Variants in SOX5 observed in about 807,000 individuals in gnomAD.
SOX5 encodes the protein SRY-box transcription factor 5.
SOX5 carries 9 observed loss-of-function variants against 92.0 expected under a neutral mutation model. The ratio of observed to expected loss-of-function variants is 0.10; its 90% CI spans 0.06 to 0.17. SOX5 has a LOEUF of 0.17. Ranked by LOEUF, SOX5 falls within the 10% of genes least tolerant of loss-of-function variation. SOX5 has a pLI of 1.00. For synonymous variants in SOX5, 344 were observed against 336.3 expected (o/e 1.02, Z -0.25); for missense variants, 642 against 944.5 (o/e 0.68, Z 4.20).
intron 4 of SOX5, among the ~76,000 whole-genome samples, chr12:24,110,066 C>T (rs776414928): frequency 1.3e-5 from 2 of 152,112 alleles, no homozygotes; most frequent in Non-Finnish European, 2.9e-5. Flanking sequence ...TAAAAAACAA[C>T]TTACAAAAGT....
At chr12:23,842,005 G>T (rs1055599330) in intron 3 of SOX5, among the ~76,000 whole-genome samples, 6 of 151,978 alleles carry the variant, frequency 3.9e-5, no homozygotes, top group African/African-American at 1.4e-4. Context: ...GAGTGTGAGG[G>T]ACACCAGTAA....
chr12:24,497,983 T>C (rs1276522682), intron 1 of SOX5, among the ~76,000 whole-genome samples: 1 of 151,894 alleles, frequency 6.6e-6, no homozygotes, highest in East Asian at 1.9e-4. Flanking sequence ...CACCTATAGA[T>C]GGGGGCTGAA....
intron 7 of SOX5, among the ~76,000 whole-genome samples, chr12:23,659,128 G>A (rs900060296): frequency 2.6e-5 from 4 of 152,074 alleles, no homozygotes; most frequent in Non-Finnish European, 4.4e-5. Context: ...AGCTGACACC[G>A]TTAAATCAGA....
chr12:23,540,021 G>T (rs1332846713), intron 13 of SOX5, among the ~76,000 whole-genome samples: 1 of 151,684 alleles, frequency 6.6e-6, no homozygotes. Context: ...ACCATTGTAT[G>T]CAGCTGAGGT....
intron 3 of SOX5, among the ~76,000 whole-genome samples, chr12:24,247,250 GA>G (rs56343063): frequency 0.97 from 147,510 of 151,516 alleles, 71,918 homozygotes; most frequent in Non-Finnish European, 1. Flanking sequence ...ATCGACCAAT[GA>G]AAAAAAAAAT....
intron 1 of SOX5, among the ~76,000 whole-genome samples, chr12:24,399,214 C>T (rs993831324): frequency 2.6e-5 from 4 of 152,016 alleles, no homozygotes; most frequent in African/African-American, 4.8e-5. Context: ...CAGAAAAACA[C>T]GTGAGCATCT....
chr12:24,405,041 G>A (rs11047419), intron 1 of SOX5, among the ~76,000 whole-genome samples: 30,430 of 151,978 alleles, frequency 0.2, 3,657 homozygotes, highest in South Asian at 0.3. Context: ...CAGATTCTTC[G>A]CCTGCAGCCG....
chr12:24,183,557 C>A (rs1408452440), intron 4 of SOX5, among the ~76,000 whole-genome samples: 3 of 152,052 alleles, frequency 2.0e-5, no homozygotes, highest in African/African-American at 7.2e-5. Context: ...CACTAAAAGT[C>A]ATTTTAAATA....
intron 4 of SOX5, among the ~76,000 whole-genome samples, chr12:23,957,383 A>G (rs1452930462): frequency 1.3e-5 from 2 of 152,226 alleles, no homozygotes; most frequent in African/African-American, 2.4e-5. Flanking sequence ...CTCCAAGTAC[A>G]ATTATATTTA....
At chr12:23,766,884 T>C (rs1397854510) in intron 3 of SOX5, among the ~76,000 whole-genome samples, 1 of 152,146 alleles carries the variant, frequency 6.6e-6, no homozygotes, top group African/African-American at 2.4e-5. Flanking sequence ...CTGATGTATT[T>C]TGATCAAAGA....
chr12:23,631,980 G>A (rs534734057), intron 8 of SOX5, among the ~76,000 whole-genome samples: 13 of 152,218 alleles, frequency 8.5e-5, no homozygotes, highest in Non-Finnish European at 1.8e-4. Flanking sequence ...CAAACTGCTG[G>A]GCTCTGACTC....
intron 2 of SOX5, among the ~76,000 whole-genome samples, chr12:23,853,350 A>G (rs2096653633): frequency 1.3e-5 from 2 of 151,732 alleles, no homozygotes; most frequent in Non-Finnish European, 2.9e-5. Context: ...GATCTCATTT[A>G]CAATATGAAA....
intron 2 of SOX5, among the ~76,000 whole-genome samples, chr12:23,873,491 A>T (rs925172407): frequency 6.6e-6 from 1 of 152,158 alleles, no homozygotes; most frequent in Admixed American, 6.5e-5. Flanking sequence ...AAGAAAAGAA[A>T]TAACTACAGT....
chr12:23,625,277 T>C (rs1329089314), intron 8 of SOX5, among the ~76,000 whole-genome samples: 5 of 152,122 alleles, frequency 3.3e-5, no homozygotes, highest in African/African-American at 1.2e-4. Flanking sequence ...CTTCCCAATC[T>C]CTGAAACACA....
At chr12:24,140,458 A>G (rs1950487757) in intron 4 of SOX5, among the ~76,000 whole-genome samples, 1 of 152,222 alleles carries the variant, frequency 6.6e-6, no homozygotes, top group Non-Finnish European at 1.5e-5. Context: ...ATACCATTAT[A>G]AGTAAAGACT....
intron 1 of SOX5, among the ~76,000 whole-genome samples, chr12:24,553,548 T>A (rs1335629884): frequency 6.6e-6 from 1 of 152,258 alleles, no homozygotes; most frequent in African/African-American, 2.4e-5. Flanking sequence ...GTGATTCTGC[T>A]AGGACTACAA....
At chr12:24,238,844 C>CT (rs1204471599) in intron 3 of SOX5, among the ~76,000 whole-genome samples, 3 of 152,222 alleles carry the variant, frequency 2.0e-5, no homozygotes, top group African/African-American at 4.8e-5. Flanking sequence ...TTAAAGTGTA[C>CT]TCCAAAGCAG....
At chr12:24,095,740 C>T (rs751695065) in intron 4 of SOX5, among the ~76,000 whole-genome samples, 2 of 152,002 alleles carry the variant, frequency 1.3e-5, no homozygotes, top group Non-Finnish European at 2.9e-5. Context: ...GCTTGCTTCC[C>T]CCATGCTGTT....
chr12:24,390,531 A>AC (rs1958889820), intron 1 of SOX5, among the ~76,000 whole-genome samples: 1 of 152,148 alleles, frequency 6.6e-6, no homozygotes, highest in Non-Finnish European at 1.5e-5. Context: ...CCCATTGCCC[A>AC]AATAGTGTAC....
Sources: gnomAD v4.1 joint callset for allele counts (sites outside exome capture counted in the v4.1 genomes callset) on GRCh38, gnomAD v4.1.1 for gene constraint, MANE v1.5 for transcripts, NCBI Gene and HGNC (gene_info 2026-07-23, HGNC 2026-07-21) for gene names.